Variants in RCAN2 observed in about 807,000 individuals in gnomAD.
RCAN2 encodes calcipressin-2.
Under a neutral mutation model 23.6 loss-of-function variants are expected in RCAN2, and 9 were observed. The observed-to-expected ratio is 0.38, with a 90% CI of 0.23 to 0.67. The LOEUF is 0.67. RCAN2 is among the 30% of genes least tolerant of loss of function. The pLI, the probability that RCAN2 is intolerant of heterozygous loss-of-function variation, is 0.51. For synonymous variants in RCAN2, 109 were observed against 115.7 expected (o/e 0.94, Z 0.37); for missense variants, 273 against 302.3 (o/e 0.90, Z 0.72).
At chr6:46,299,873 A>T (rs1168711820) in intron 2 of RCAN2, among the ~76,000 whole-genome samples, 1 of 151,960 alleles carries the variant, frequency 6.6e-6, no homozygotes, top group African/African-American at 2.4e-5. Context: ...CATTTTTAAA[A>T]TATATATACA....
chr6:46,270,355 G>A (rs1489862823), intron 2 of RCAN2, among the ~76,000 whole-genome samples: 1 of 152,282 alleles, frequency 6.6e-6, no homozygotes. Flanking sequence ...TAGGCCATTC[G>A]ATGCTCCCAC....
At chr6:46,302,863 A>C (rs1254832243) in intron 2 of RCAN2, among the ~76,000 whole-genome samples, 1 of 152,006 alleles carries the variant, frequency 6.6e-6, no homozygotes, top group African/African-American at 2.4e-5. Context: ...TATTTTATGG[A>C]TGATAAAATT....
chr6:46,451,998 G>T (rs1767896676), intron 2 of RCAN2, among the ~76,000 whole-genome samples: 1 of 152,036 alleles, frequency 6.6e-6, no homozygotes, highest in Non-Finnish European at 1.5e-5. Flanking sequence ...CTTTTGTTTT[G>T]GCATCACTGT....
intron 2 of RCAN2, among the ~76,000 whole-genome samples, chr6:46,315,163 A>G (rs1031179109): frequency 1.3e-5 from 2 of 152,242 alleles, no homozygotes; most frequent in African/African-American, 2.4e-5. Flanking sequence ...AAGGTGGTCT[A>G]GCAGCATGTT....
At chr6:46,483,849 C>T (rs947832568) in intron 1 of RCAN2, among the ~76,000 whole-genome samples, 1 of 152,098 alleles carries the variant, frequency 6.6e-6, no homozygotes, top group African/African-American at 2.4e-5. Flanking sequence ...ACAAAAGTAA[C>T]CTATTCACGA....
intron 2 of RCAN2, among the ~76,000 whole-genome samples, chr6:46,362,040 C>T (rs79422938): frequency 6.6e-6 from 1 of 152,046 alleles, no homozygotes; most frequent in Non-Finnish European, 1.5e-5. Context: ...ATTTGAAATT[C>T]AAAGTTTCAT....
intron 2 of RCAN2, among the ~76,000 whole-genome samples, chr6:46,253,994 C>T (rs540792592): frequency 1.4e-4 from 21 of 152,248 alleles, no homozygotes; most frequent in South Asian, 2.1e-4. Flanking sequence ...GTTCACACAA[C>T]GAAATCACCT....
intron 1 of RCAN2, among the ~76,000 whole-genome samples, chr6:46,484,881 T>TTTGGAAAG (rs1768956133): frequency 1.3e-4 from 20 of 152,208 alleles, no homozygotes; most frequent in Admixed American, 1.3e-3. Flanking sequence ...AGGGGCTATC[T>TTTGGAAAG]CTGGAAAGCA....
At chr6:46,261,421 G>A (rs1014106659) in intron 2 of RCAN2, among the ~76,000 whole-genome samples, 1 of 152,042 alleles carries the variant, frequency 6.6e-6, no homozygotes, top group East Asian at 1.9e-4. Context: ...TACCTCATAG[G>A]GGTATCCTGG....
chr6:46,477,784 G>A (rs1248729061), intron 1 of RCAN2, among the ~76,000 whole-genome samples: 1 of 152,104 alleles, frequency 6.6e-6, no homozygotes, highest in Non-Finnish European at 1.5e-5. Flanking sequence ...CATCCATCTT[G>A]CCATCTCTAG....
At chr6:46,315,932 AG>A (rs1763421746) in intron 2 of RCAN2, among the ~76,000 whole-genome samples, 1 of 151,232 alleles carries the variant, frequency 6.6e-6, no homozygotes, top group Non-Finnish European at 1.5e-5. Context: ...GAGGTTTGGA[AG>A]AGACAAGAAA....
chr6:46,444,337 AC>A lies in RCAN2; in HGVS notation c.225+12414del, dbSNP rs371437292. 7.6e-3 allele frequency among the ~76,000 whole-genome samples: 1,154 copies of A among 152,306 alleles called. 14 individuals are homozygous for A. Among genetic ancestry groups the A allele is most frequent in the African/African-American group, 0.027 (1,103 of 41,564 alleles). ...GGCAGGTCAAGGCCAAAGGCTTTAAACTATAGATACTCAAAGAAAGACTCAG... is the reference window on the plus strand; with the variant it reads ...GGCAGGTCAAGGCCAAAGGCTTTAAATATAGATACTCAAAGAAAGACTCAG... On this transcript the variant is annotated intron_variant, in intron 2 of 4. Transcript: ENST00000371374.
chr6:46,323,762 ACCT>A (rs1763695411), intron 2 of RCAN2, among the ~76,000 whole-genome samples: 1 of 152,214 alleles, frequency 6.6e-6, no homozygotes, highest in Non-Finnish European at 1.5e-5. Flanking sequence ...CTTTAAAGAA[ACCT>A]TCGGCAGTTG....
At chr6:46,406,947 C>T (rs1766424007) in intron 2 of RCAN2, among the ~76,000 whole-genome samples, 1 of 152,110 alleles carries the variant, frequency 6.6e-6, no homozygotes, top group Non-Finnish European at 1.5e-5. Flanking sequence ...TAACAAATAC[C>T]CCCAAACTGG....
chr6:46,287,598 A>C (rs1360714025), intron 2 of RCAN2, among the ~76,000 whole-genome samples: 2 of 152,222 alleles, frequency 1.3e-5, no homozygotes, highest in Non-Finnish European at 2.9e-5. Flanking sequence ...ATTGAACTTC[A>C]TCTGATTGAA....
chr6:46,487,559 T>C (rs1362223952), intron 1 of RCAN2, among the ~76,000 whole-genome samples: 1 of 152,216 alleles, frequency 6.6e-6, no homozygotes, highest in Non-Finnish European at 1.5e-5. Context: ...TAGTACTGCT[T>C]CAATCCTCAC....
chr6:46,351,811 G>C (rs764375383), intron 2 of RCAN2, among the ~76,000 whole-genome samples: 1 of 152,168 alleles, frequency 6.6e-6, no homozygotes, highest in Non-Finnish European at 1.5e-5. Context: ...GTTGGGAAGC[G>C]AGGAAATTGA....
At chr6:46,248,927 T>C (rs200662612) in intron 2 of RCAN2, 31 bp from the exon 3 acceptor site, 13 of 1,556,984 alleles carry the variant, frequency 8.3e-6, no homozygotes, top group East Asian at 2.3e-5. Context: ...GGAAAATCCA[T>C]TGGCCATGGC....
At chr6:46,272,363 C>T (rs1221460006) in intron 2 of RCAN2, among the ~76,000 whole-genome samples, 1 of 152,210 alleles carries the variant, frequency 6.6e-6, no homozygotes, top group Non-Finnish European at 1.5e-5. Flanking sequence ...AGACTCTCTA[C>T]TGAACCTTGT....
Sources: allele counts gnomAD v4.1 joint callset (sites outside exome capture counted in the v4.1 genomes callset), GRCh38; gene constraint gnomAD v4.1.1; transcripts MANE v1.5; gene names NCBI Gene and HGNC (gene_info 2026-07-23, HGNC 2026-07-21).